PADI6: variants seen among roughly 807,000 people sequenced by gnomAD.
The protein encoded by PADI6 is inactive protein-arginine deiminase type-6.
PADI6 carries 66 observed loss-of-function variants against 78.2 expected under a neutral mutation model. That is an observed-to-expected ratio of 0.84 (90% CI 0.69 to 1.04). PADI6 has a LOEUF of 1.04. PADI6 is among the 50% of genes least tolerant of loss of function. The pLI is 0.00. For missense variants in PADI6, 854 were observed against 866.1 expected (o/e 0.99, Z 0.18); for synonymous variants, 397 against 346.9 (o/e 1.14, Z -1.60).
intron 15 of PADI6, among the ~76,000 whole-genome samples, chr1:17,399,966 C>T (rs2075285172): frequency 1.3e-5 from 2 of 151,806 alleles, no homozygotes; most frequent in South Asian, 4.2e-4. Context: ...ACCCAGGAGG[C>T]AGAGGTTGCA....
chr1:17,394,849 C>T (rs955182623), intron 11 of PADI6, 102 bp from the exon 12 acceptor site: 13 of 1,360,760 alleles, frequency 9.6e-6, no homozygotes, highest in Middle Eastern at 2.7e-4. Context: ...TTTCACACAA[C>T]GGTCAGAGGC....
rs139826156 is a variant in PADI6 at position 17,377,058 on chromosome 1, G to A, written c.367+1559G>A. Among the ~76,000 whole-genome samples the A allele has an allele frequency of 3.4e-3, 516 of 152,102 alleles. 2 individuals are homozygous for A. The highest frequency in any genetic ancestry group is 0.011 in the African/African-American group (475 of 41,464). On this transcript the variant is annotated intron_variant, in intron 3 of 15. Coordinates refer to ENST00000619609, the MANE Select transcript of PADI6 (RefSeq NM_207421.4). ...TTGGTTAATTTTTTATACAGACATA[G>A]GTATCCCTATGTTGCCCAGGCTCCT...
In PADI6 at chr1:17,388,989, GA is replaced by G. The variant is rs1217470720; in HGVS notation, c.962+110del. On this transcript the variant is annotated intron_variant, in intron 8 of 15. Coordinates refer to ENST00000619609, the MANE Select transcript of PADI6 (RefSeq NM_207421.4). ...AGATGACTAGGACCTCTCACCAGGAGAGTTGAAACCCTTCTGTCTGAGCTGT... is the reference window on the plus strand; with the variant it reads ...AGATGACTAGGACCTCTCACCAGGAGGTTGAAACCCTTCTGTCTGAGCTGT... 2.0e-4 allele frequency: 161 copies of G among 809,170 alleles called. 1 individual carries two copies. The highest frequency in any genetic ancestry group is 1.8e-5 in the Non-Finnish European group (9 of 500,390). 50.1% of individuals were successfully genotyped at this position (809,170 alleles called of 1,614,324 possible).
intron 3 of PADI6, among the ~76,000 whole-genome samples, chr1:17,378,633 A>C (rs2075041415): frequency 6.6e-6 from 1 of 152,158 alleles, no homozygotes; most frequent in Admixed American, 6.6e-5. Flanking sequence ...GAGATGGAGC[A>C]TTACTCTGTC....
intron 2 of PADI6, among the ~76,000 whole-genome samples, chr1:17,374,903 G>A (rs1440465200): frequency 6.6e-6 from 1 of 152,156 alleles, no homozygotes; most frequent in Non-Finnish European, 1.5e-5. Flanking sequence ...ATAAAGTAGA[G>A]GCTGGTGTGG....
At chr1:17,400,083 C>T (rs1555662) in intron 15 of PADI6, among the ~76,000 whole-genome samples, 3,749 of 152,048 alleles carry the variant, frequency 0.025, 165 homozygotes, top group African/African-American at 0.085. Flanking sequence ...TGCCACATGC[C>T]TGTAGTCTCA....
chr1:17,381,655 C>CT (rs771742895), intron 5 of PADI6, among the ~76,000 whole-genome samples: 52 of 152,288 alleles, frequency 3.4e-4, no homozygotes, highest in Non-Finnish European at 3.7e-4. Context: ...TTGTTTCCTA[C>CT]TGAGACTGGA....
chr1:17,376,443 G>T (rs1207538513), intron 3 of PADI6, among the ~76,000 whole-genome samples: 2 of 151,624 alleles, frequency 1.3e-5, no homozygotes, highest in Non-Finnish European at 2.9e-5. Flanking sequence ...GGGACTATAG[G>T]TACCCGCCAC....
intron 6 of PADI6, among the ~76,000 whole-genome samples, chr1:17,382,984 C>G (rs559805528): frequency 6.6e-6 from 1 of 152,332 alleles, no homozygotes; most frequent in African/African-American, 2.4e-5. Context: ...CGGGGTCTCA[C>G]TTTGCCCAGA....
chr1:17,379,268 C>T (rs931708477), intron 3 of PADI6, among the ~76,000 whole-genome samples: 4 of 149,278 alleles, frequency 2.7e-5, no homozygotes, highest in Admixed American at 2.0e-4. Flanking sequence ...CGCCCGCCAC[C>T]TCGCCCGGCT....
chr1:17,373,246 G>A lies in PADI6; in HGVS notation c.294+13G>A, dbSNP rs144188098. Reference sequence around the variant, plus strand: ...GGATGCGGATAAGGTAAGCCTCAGGGGAAGAGGTGAGGGGCATCTCCCGGG... The same window carrying A: ...GGATGCGGATAAGGTAAGCCTCAGGAGAAGAGGTGAGGGGCATCTCCCGGG... On this transcript the variant is annotated intron_variant, in intron 2 of 15. Transcript: ENST00000619609. The A allele has an allele frequency of 1.9e-6, 3 of 1,612,512 alleles. No individual in the cohort carries two copies. Among genetic ancestry groups the A allele is most frequent in the Admixed American group, 1.7e-5 (1 of 59,986 alleles).
In PADI6 at chr1:17,398,741, A is replaced by G; in HGVS notation, c.1745A>G (p.Gln582Arg). ...AAGACGGAGCTGGGCCTGGTGGAAC[A>G]GGACATCATCGAGATTCCCCAGCTG... The part of the protein sequence containing the change: ...ILKTELGLVE[Q>R]DIIEIPQLFC... Residue 582 changes from glutamine (Q) to arginine (R), a missense_variant, in exon 15 of 16, where the codon CAG becomes CGG. Gln to Arg is a conservative substitution (Grantham distance 43). Transcript: ENST00000619609. 6.3e-7 allele frequency: 1 copy of G among 1,582,612 alleles called. No homozygotes were observed. Among genetic ancestry groups the G allele is most frequent in the Non-Finnish European group, 8.6e-7 (1 of 1,163,298 alleles).
chr1:17,381,765 GGAGGCCCT>G (rs1354825257), intron 5 of PADI6, among the ~76,000 whole-genome samples, 194 bp from the exon 6 acceptor site: 1 of 152,140 alleles, frequency 6.6e-6, no homozygotes, highest in Non-Finnish European at 1.5e-5. Flanking sequence ...TCCCTCAAAA[GGAGGCCCT>G]GAGGTTTGCA....
intron 15 of PADI6, among the ~76,000 whole-genome samples, chr1:17,400,824 GGTGA>G (rs2075294781): frequency 6.6e-6 from 1 of 152,128 alleles, no homozygotes; most frequent in African/African-American, 2.4e-5. Flanking sequence ...GTCCGGCAGG[GGTGA>G]GTAACGGTAA....
intron 3 of PADI6, among the ~76,000 whole-genome samples, chr1:17,377,440 A>G (rs890511955): frequency 1.3e-5 from 2 of 152,142 alleles, no homozygotes; most frequent in Non-Finnish European, 2.9e-5. Context: ...CAGGCTCAGG[A>G]GGCAGGTCAC....
chr1:17,389,355 A>C (rs1213412699), intron 8 of PADI6, among the ~76,000 whole-genome samples: 1 of 152,154 alleles, frequency 6.6e-6, no homozygotes, highest in African/African-American at 2.4e-5. Flanking sequence ...TGTCACCTGG[A>C]TGCCTGCAGG....
chr1:17,385,134 A>AG (rs1570134126), intron 6 of PADI6, among the ~76,000 whole-genome samples: 1 of 152,298 alleles, frequency 6.6e-6, no homozygotes, highest in East Asian at 1.9e-4. Flanking sequence ...CCAAGGCAGG[A>AG]GGATCACCTT....
intron 1 of PADI6, 135 bp downstream of exon 1, chr1:17,372,496 C>A: frequency 1.2e-6 from 1 of 826,966 alleles, no homozygotes; most frequent in South Asian, 1.6e-5. Context: ...AGCCTTGGGT[C>A]TCTAGTGGGG....
Position 17,401,327 on chromosome 1 carries a change from C to T in PADI6, c.1974C>T (p.Cys658=). 6.2e-7 allele frequency: 1 copy of T among 1,614,098 alleles called. No individual in the cohort carries two copies. The highest frequency in any genetic ancestry group is 8.5e-7 in the Non-Finnish European group (1 of 1,179,914). Residue 658 remains cysteine (C), a synonymous_variant, in exon 16 of 16, where the codon TGC becomes TGT. Coordinates refer to ENST00000619609, the MANE Select transcript of PADI6 (RefSeq NM_207421.4). ...CCLLEPLGFK[C]TFINDFDCYL... ...TGCTGGAGCCCCTGGGCTTCAAGTG[C>T]ACCTTCATCAATGACTTTGACTGTT... is the stretch of plus-strand genomic sequence containing the variant.
Sources: gnomAD v4.1 joint callset for allele counts (sites outside exome capture counted in the v4.1 genomes callset) on GRCh38, gnomAD v4.1.1 for gene constraint, MANE v1.5 for transcripts, NCBI Gene and HGNC (gene_info 2026-07-23, HGNC 2026-07-21) for gene names.